RAB20: variants seen among roughly 807,000 people sequenced by gnomAD.
RAB20 encodes the protein ras-related protein Rab-20.
In RAB20, 2 loss-of-function variants were observed where a neutral mutation model predicts 3.7. That is an observed-to-expected ratio of 0.54 (90% CI 0.22 to 1.69). The LOEUF is 1.69. Ranked by LOEUF, RAB20 falls within the 40% of genes most tolerant of loss-of-function variation. The pLI, the probability that RAB20 is intolerant of heterozygous loss-of-function variation, is 0.19. For missense variants in RAB20, 276 were observed against 311.9 expected (o/e 0.88, Z 0.87); for synonymous variants, 126 against 130.8 (o/e 0.96, Z 0.25).
chr13:110,540,160 C>G (rs378394), intron 1 of RAB20, among the ~76,000 whole-genome samples: 16,848 of 152,236 alleles, frequency 0.11, 3,104 homozygotes, highest in African/African-American at 0.38. Flanking sequence ...CCGATATTAA[C>G]AGAAACAGGC....
intron 1 of RAB20, among the ~76,000 whole-genome samples, chr13:110,537,187 G>T (rs957833813): frequency 6.6e-6 from 1 of 151,424 alleles, no homozygotes; most frequent in African/African-American, 2.4e-5. Context: ...GTACAGATGG[G>T]GTCTCACTAT....
chr13:110,532,098 C>G (rs1414183097), intron 1 of RAB20, among the ~76,000 whole-genome samples: 2 of 152,192 alleles, frequency 1.3e-5, no homozygotes, highest in African/African-American at 4.8e-5. Context: ...TGGCTCACAT[C>G]TTAAGCATGG....
rs191448172 is a variant in RAB20 at position 110,523,242 on chromosome 13, C to T, written c.*423G>A. ...AAAGACAACTCACAGTGAAGAGAAA[C>T]GCTTGAGAACAAGAAATGTCAGAGT... On this transcript the variant is annotated 3_prime_UTR_variant, in exon 2 of 2. Transcript: ENST00000267328. 1.1e-4 allele frequency: 46 copies of T among 411,022 alleles called. No homozygotes were observed. Among genetic ancestry groups the T allele is most frequent in the Non-Finnish European group, 1.7e-4 (39 of 233,292 alleles). 25.5% of individuals were successfully genotyped at this position (411,022 alleles called of 1,614,324 possible). A position where few individuals can be genotyped will look rare whatever the true frequency, so the allele number is the denominator to read the frequency against.
chr13:110,541,996 C>T (rs556327217), intron 1 of RAB20, among the ~76,000 whole-genome samples: 2 of 152,220 alleles, frequency 1.3e-5, no homozygotes, highest in Admixed American at 6.5e-5. Flanking sequence ...TCAGCAGGAA[C>T]GGGGTGCAAA....
At position 110,544,575 on chromosome 13, in the gene RAB20, C is replaced by T. The variant is rs140762723; in HGVS notation, c.172+16773G>A. 3.9e-5 allele frequency among the ~76,000 whole-genome samples: 6 copies of T among 152,260 alleles called. No homozygotes were observed. The East Asian group carries it at 1.2e-3, about 29-fold the overall frequency. On this transcript the variant is annotated intron_variant, in intron 1 of 1. Transcript: ENST00000267328. ...TCTAATACAGATGTAAAAATAAAGA[C>T]ACGTTAAACTCATGCAATGAAGGAG...
intron 1 of RAB20, among the ~76,000 whole-genome samples, chr13:110,547,900 C>T (rs1884882982): frequency 6.6e-6 from 1 of 152,166 alleles, no homozygotes; most frequent in South Asian, 2.1e-4. Flanking sequence ...ATAGGCCGTC[C>T]CATTTATTCT....
chr13:110,560,579 AAT>A (rs1885112951), intron 1 of RAB20, among the ~76,000 whole-genome samples: 1 of 152,164 alleles, frequency 6.6e-6, no homozygotes, highest in African/African-American at 2.4e-5. Context: ...ATTCACTTAC[AAT>A]ATCTTATTCT....
intron 1 of RAB20, among the ~76,000 whole-genome samples, chr13:110,549,033 T>C (rs113127884): frequency 3.0e-4 from 45 of 152,188 alleles, no homozygotes; most frequent in African/African-American, 1.0e-3. Flanking sequence ...CAGTTTTTCA[T>C]AGGACACTAC....
chr13:110,558,704 T>G (rs529849703), intron 1 of RAB20, among the ~76,000 whole-genome samples: 9 of 135,024 alleles, frequency 6.7e-5, no homozygotes, highest in Middle Eastern at 4.1e-3. Flanking sequence ...GTTTTTTTTT[T>G]TTTTTTTTTT....
intron 1 of RAB20, among the ~76,000 whole-genome samples, chr13:110,543,227 C>G (rs1884796222): frequency 6.6e-6 from 1 of 152,126 alleles, no homozygotes; most frequent in South Asian, 2.1e-4. Flanking sequence ...ACCTCAAACT[C>G]AAGCGATCCT....
chr13:110,559,574 T>C (rs531694962), intron 1 of RAB20, among the ~76,000 whole-genome samples: 3 of 152,102 alleles, frequency 2.0e-5, no homozygotes, highest in Admixed American at 6.5e-5. Context: ...AAGTCAGGAA[T>C]GTGGAGAAGG....
At chr13:110,524,745 T>C (rs1239329592) in intron 1 of RAB20, among the ~76,000 whole-genome samples, 1 of 152,166 alleles carries the variant, frequency 6.6e-6, no homozygotes, top group African/African-American at 2.4e-5. Flanking sequence ...ATAACAGCAG[T>C]TGTAAACCAC....
intron 1 of RAB20, among the ~76,000 whole-genome samples, chr13:110,543,186 G>C (rs1341975128): frequency 6.6e-6 from 1 of 152,096 alleles, no homozygotes; most frequent in Admixed American, 6.6e-5. Context: ...ACCCAGGCTA[G>C]AGTGCGGTGG....
chr13:110,524,190 C>T lies in RAB20; in HGVS notation c.180G>A (p.Glu60=). The T allele has an allele frequency of 1.3e-6, 2 of 1,589,016 alleles. No homozygotes were observed. The highest frequency in any genetic ancestry group is 2.2e-5 in the South Asian group (2 of 89,728). Residue 60 remains glutamate (E), a synonymous_variant, in exon 2 of 2, where the codon GAG becomes GAA. Coordinates refer to ENST00000267328, the MANE Select transcript of RAB20 (RefSeq NM_017817.3). ...NISIWDTAGR[E]QFHGLGSMYC... ...ACATGGAGCCCAGGCCGTGGAACTG[C>T]TCCCGCCCTGGTGGGAAGAGAGGGA... is the stretch of plus-strand genomic sequence containing the variant.
chr13:110,525,165 G>A (rs7988136), intron 1 of RAB20, among the ~76,000 whole-genome samples: 109,817 of 152,136 alleles, frequency 0.72, 39,732 homozygotes, highest in African/African-American at 0.74. Flanking sequence ...GGTCGATGTG[G>A]GCACACACAC....
intron 1 of RAB20, among the ~76,000 whole-genome samples, chr13:110,540,757 A>T (rs1884744741): frequency 1.4e-5 from 2 of 146,094 alleles, no homozygotes; most frequent in Non-Finnish European, 3.0e-5. Context: ...AAAAAAAAAA[A>T]GTTAAAATAG....
chr13:110,523,202 C>T lies in RAB20; in HGVS notation c.*463G>A. Reference sequence around the variant, plus strand: ...ATTATAAAGCATCAAGATACAAGTACCAAGTGGGAGGACCAAAGACAACTC... The same window carrying T: ...ATTATAAAGCATCAAGATACAAGTATCAAGTGGGAGGACCAAAGACAACTC... On this transcript the variant is annotated 3_prime_UTR_variant, in exon 2 of 2. Transcript: ENST00000267328. 1 of 405,388 alleles carries T rather than the reference C, an allele frequency of 2.5e-6. No individual in the cohort carries two copies. Among genetic ancestry groups the T allele is most frequent in the Non-Finnish European group, 4.3e-6 (1 of 230,538 alleles). The allele number at this position is 405,388 out of a possible 1,614,324, so 25.1% of individuals were successfully genotyped here.
At chr13:110,558,694 G>GTTTTTTTTTTTT (rs67548367) in intron 1 of RAB20, among the ~76,000 whole-genome samples, 1 of 50,892 alleles carries the variant, frequency 2.0e-5, no homozygotes. Flanking sequence ...CTTCCCATCT[G>GTTTTTTTTTTTT]TTTTTTTTTT....
In RAB20 at chr13:110,523,095, T is replaced by C. The variant is rs201770390; in HGVS notation, c.*570A>G. The stretch of plus-strand genomic sequence containing the variant: ...TTGTTCCAAAAATCCTCTTTAATAA[T>C]ACATGTAGCCAACATTGCTGCAATC... On this transcript the variant is annotated 3_prime_UTR_variant, in exon 2 of 2. Coordinates refer to ENST00000267328, the MANE Select transcript of RAB20 (RefSeq NM_017817.3). 3.1e-5 allele frequency: 12 copies of C among 388,456 alleles called. No individual in the cohort carries two copies. The East Asian group carries it at 4.0e-4, about 13-fold the overall frequency. The allele number at this position is 388,456 out of a possible 1,614,324, so 24.1% of individuals were successfully genotyped here. A position where few individuals can be genotyped will look rare whatever the true frequency, so the allele number is the denominator to read the frequency against.
Sources: gnomAD v4.1 joint callset for allele counts (sites outside exome capture counted in the v4.1 genomes callset) on GRCh38, gnomAD v4.1.1 for gene constraint, MANE v1.5 for transcripts, NCBI Gene and HGNC (gene_info 2026-07-23, HGNC 2026-07-21) for gene names.